SH3RF3: variants seen among roughly 807,000 people sequenced by gnomAD.
SH3RF3 encodes E3 ubiquitin-protein ligase SH3RF3.
Under a neutral mutation model 66.3 loss-of-function variants are expected in SH3RF3, and 29 were observed. That is an observed-to-expected ratio of 0.44 (90% confidence interval 0.33 to 0.60). The LOEUF (loss-of-function observed/expected upper bound fraction) is 0.60, where lower values mean the gene tolerates loss of function less well. SH3RF3 is among the 20% of genes least tolerant of loss of function. SH3RF3 has a pLI of 0.04. For synonymous variants in SH3RF3, 583 were observed against 532.0 expected, an observed-to-expected ratio of 1.10 and a Z score of -1.32; for missense variants, 1,194 against 1,190.9, an observed-to-expected ratio of 1.00 and a Z score of -0.04.
intron 1 of SH3RF3, among the ~76,000 whole-genome samples, chr2:109,215,730 T>A (rs555689137): frequency 6.6e-6 from 1 of 152,338 alleles, no homozygotes; most frequent in African/African-American, 2.4e-5. Flanking sequence ...GAACTGCCAC[T>A]GCTAGGACAT....
chr2:109,290,459 G>A (rs761895831), intron 1 of SH3RF3, among the ~76,000 whole-genome samples: 11 of 152,146 alleles, frequency 7.2e-5, no homozygotes, highest in African/African-American at 1.7e-4. Flanking sequence ...TTCATTACCC[G>A]GAATCCTCAT....
rs144959856 is a variant in SH3RF3 at position 109,132,538 on chromosome 2, G to A, written c.573+2425G>A. 3.6e-3 allele frequency among the ~76,000 whole-genome samples: 544 copies of A among 152,246 alleles called. 1 individual carries two copies. Among genetic ancestry groups the A allele is most frequent in the Non-Finnish European group, 6.0e-3 (411 of 68,012 alleles). Reference sequence around the variant, plus strand: ...AAGCGCTTTTGTGGAGTCAGTTAACGATGCTGCCCCTGGAAATAATATACC... The same window carrying A: ...AAGCGCTTTTGTGGAGTCAGTTAACAATGCTGCCCCTGGAAATAATATACC... On this transcript the variant is annotated intron_variant, in intron 1 of 9. Coordinates refer to ENST00000309415, the MANE Select transcript of SH3RF3 (RefSeq NM_001099289.3).
At chr2:109,292,483 C>T (rs1020081302) in intron 1 of SH3RF3, among the ~76,000 whole-genome samples, 2 of 152,184 alleles carry the variant, frequency 1.3e-5, no homozygotes, top group Non-Finnish European at 2.9e-5. Flanking sequence ...GAAATCATTG[C>T]GCATATTTCC....
chr2:109,290,419 C>T (rs1360820649), intron 1 of SH3RF3, among the ~76,000 whole-genome samples: 13 of 152,338 alleles, frequency 8.5e-5, no homozygotes, highest in African/African-American at 2.6e-4. Flanking sequence ...CTGCCACACA[C>T]GAACACACAC....
chr2:109,278,176 T>TA (rs11423441), intron 1 of SH3RF3, among the ~76,000 whole-genome samples: 52,692 of 147,456 alleles, frequency 0.36, 9,312 homozygotes, highest in South Asian at 0.43. Context: ...GACCCAATCT[T>TA]AAAAAAAAAA....
At chr2:109,349,251 T>C (rs1485885871) in intron 2 of SH3RF3, among the ~76,000 whole-genome samples, 1 of 152,194 alleles carries the variant, frequency 6.6e-6, no homozygotes, top group Non-Finnish European at 1.5e-5. Context: ...CAGCTGCTAT[T>C]TATGTCTTGT....
intron 1 of SH3RF3, among the ~76,000 whole-genome samples, chr2:109,318,347 G>T (rs554899833): frequency 6.6e-6 from 1 of 152,164 alleles, no homozygotes; most frequent in South Asian, 2.1e-4. Flanking sequence ...GGTCCCCAGT[G>T]CTTGTCCTCT....
intron 1 of SH3RF3, among the ~76,000 whole-genome samples, chr2:109,267,923 C>G (rs1355750039): frequency 3.9e-5 from 6 of 152,056 alleles, no homozygotes; most frequent in Admixed American, 2.0e-4. Context: ...TCCTGGGCCC[C>G]TGGACAGGAC....
At chr2:109,375,792 G>A (rs1204857981) in intron 3 of SH3RF3, among the ~76,000 whole-genome samples, 4 of 152,216 alleles carry the variant, frequency 2.6e-5, no homozygotes, top group African/African-American at 7.2e-5. Context: ...GTCAGGCCTC[G>A]GCCCAGCCCT....
intron 3 of SH3RF3, among the ~76,000 whole-genome samples, chr2:109,377,365 T>G (rs1009200073): frequency 6.6e-6 from 1 of 152,140 alleles, no homozygotes; most frequent in African/African-American, 2.4e-5. Context: ...ATGAGCCTCC[T>G]AGTCATCCCA....
At chr2:109,144,529 C>G (rs574487332) in intron 1 of SH3RF3, among the ~76,000 whole-genome samples, 2 of 152,208 alleles carry the variant, frequency 1.3e-5, no homozygotes, top group Non-Finnish European at 2.9e-5. Flanking sequence ...AGAGTTTGAA[C>G]GAGGTGAATA....
chr2:109,369,959 GC>G (rs1267727629), intron 2 of SH3RF3, among the ~76,000 whole-genome samples: 1 of 152,218 alleles, frequency 6.6e-6, no homozygotes, highest in African/African-American at 2.4e-5. Flanking sequence ...GCTCTGAGGG[GC>G]TTCTCCATGA....
At chr2:109,141,264 G>A (rs886099766) in intron 1 of SH3RF3, among the ~76,000 whole-genome samples, 9 of 152,174 alleles carry the variant, frequency 5.9e-5, no homozygotes, top group Admixed American at 5.2e-4. Flanking sequence ...TCTGTGGGCC[G>A]TGCGCATTCC....
intron 4 of SH3RF3, among the ~76,000 whole-genome samples, chr2:109,418,708 T>C (rs754419085): frequency 6.6e-5 from 10 of 152,206 alleles, no homozygotes; most frequent in Non-Finnish European, 8.8e-5. Flanking sequence ...GTGCCAGGGC[T>C]GGGACTTGGA....
intron 7 of SH3RF3, among the ~76,000 whole-genome samples, chr2:109,448,448 C>T (rs1232992042): frequency 1.3e-5 from 2 of 152,160 alleles, no homozygotes; most frequent in Non-Finnish European, 2.9e-5. Context: ...TTTACAGCCC[C>T]TCCTCAACGC....
chr2:109,256,788 G>A (rs1680232460), intron 1 of SH3RF3, among the ~76,000 whole-genome samples: 1 of 152,216 alleles, frequency 6.6e-6, no homozygotes, highest in Non-Finnish European at 1.5e-5. Flanking sequence ...AGTGAAGTGG[G>A]ATTTTTATTT....
chr2:109,418,719 C>T (rs1018422242), intron 4 of SH3RF3, among the ~76,000 whole-genome samples: 4 of 152,172 alleles, frequency 2.6e-5, no homozygotes, highest in African/African-American at 9.7e-5. Context: ...GGGACTTGGA[C>T]AGATCTTTGA....
At chr2:109,429,433 T>C (rs1677128715) in intron 5 of SH3RF3, among the ~76,000 whole-genome samples, 1 of 152,158 alleles carries the variant, frequency 6.6e-6, no homozygotes, top group Admixed American at 6.5e-5. Flanking sequence ...AGTGAAGGAT[T>C]ACTCATCAAC....
intron 1 of SH3RF3, among the ~76,000 whole-genome samples, chr2:109,170,490 C>T (rs935918381): frequency 1.1e-4 from 16 of 152,004 alleles, no homozygotes; most frequent in South Asian, 2.1e-4. Context: ...GGACTGCAGG[C>T]GCACACCACC....
Sources: gnomAD v4.1 joint callset for allele counts (sites outside exome capture counted in the v4.1 genomes callset) on GRCh38, gnomAD v4.1.1 for gene constraint, MANE v1.5 for transcripts, NCBI Gene and HGNC (gene_info 2026-07-23, HGNC 2026-07-21) for gene names.